Variants in DST observed in about 807,000 individuals in gnomAD.
The protein encoded by DST is bullous pemphigoid antigen.
DST carries 253 observed loss-of-function variants against 875.2 expected under a neutral mutation model. The ratio of observed to expected loss-of-function variants is 0.29; its 90% confidence interval spans 0.26 to 0.32. The LOEUF (loss-of-function observed/expected upper bound fraction) is 0.32, where lower values mean the gene tolerates loss of function less well. Among genes scored for constraint, DST ranks in the 10% least tolerant of loss-of-function variants. DST has a pLI of 1.00. For synonymous variants in DST, 3,124 were observed against 3,197.1 expected, an observed-to-expected ratio of 0.98 and a Z score of 0.77; for missense variants, 8,287 against 9,111.6, an observed-to-expected ratio of 0.91 and a Z score of 3.68.
intron 61 of DST, among the ~76,000 whole-genome samples, chr6:56,542,027 T>C (rs914509378): frequency 1.3e-5 from 2 of 152,242 alleles, no homozygotes; most frequent in Non-Finnish European, 2.9e-5. Context: ...TGAATGTTAA[T>C]TTCGGCAGAG....
At chr6:56,925,664 T>A (rs1806673938) in intron 2 of DST, among the ~76,000 whole-genome samples, 1 of 152,222 alleles carries the variant, frequency 6.6e-6, no homozygotes, top group Non-Finnish European at 1.5e-5. Flanking sequence ...CAGCTCAAGA[T>A]GGGAAAACAT....
intron 5 of DST, among the ~76,000 whole-genome samples, chr6:56,725,405 C>T (rs1450490425): frequency 1.3e-5 from 2 of 152,160 alleles, no homozygotes; most frequent in African/African-American, 4.8e-5. Flanking sequence ...CTATCATTCA[C>T]AGACTACAGT....
At chr6:56,709,695 G>A (rs1381982021) in intron 5 of DST, among the ~76,000 whole-genome samples, 1 of 152,144 alleles carries the variant, frequency 6.6e-6, no homozygotes, top group Non-Finnish European at 1.5e-5. Flanking sequence ...TGGGTACAAA[G>A]ATGAATAATA....
chr6:56,613,984 C>G (rs187342156), intron 37 of DST, among the ~76,000 whole-genome samples: 1 of 152,088 alleles, frequency 6.6e-6, no homozygotes, highest in Non-Finnish European at 1.5e-5. Flanking sequence ...AAGAATAAGA[C>G]GGCATATCTT....
chr6:56,943,962 T>C (rs2127795218), intron 2 of DST, among the ~76,000 whole-genome samples: 1 of 151,708 alleles, frequency 6.6e-6, no homozygotes. Context: ...ACTAAAAATA[T>C]AAAAATTAGC....
At chr6:56,932,432 A>C (rs1368951457) in intron 2 of DST, among the ~76,000 whole-genome samples, 2 of 152,256 alleles carry the variant, frequency 1.3e-5, no homozygotes, top group East Asian at 3.9e-4. Flanking sequence ...AGGGGCATTT[A>C]AGGGAAGAGC....
chr6:56,475,070 G>A (rs1397177409), intron 92 of DST, among the ~76,000 whole-genome samples: 1 of 151,548 alleles, frequency 6.6e-6, no homozygotes, highest in Non-Finnish European at 1.5e-5. Context: ...CTATTCCAAG[G>A]GTGGTAAAAA....
intron 4 of DST, among the ~76,000 whole-genome samples, chr6:56,753,312 G>A (rs1450608501): frequency 1.3e-5 from 2 of 152,150 alleles, no homozygotes; most frequent in African/African-American, 4.8e-5. Flanking sequence ...AGAAAACAGT[G>A]AACAGAACAT....
intron 75 of DST, among the ~76,000 whole-genome samples, chr6:56,508,045 T>C (rs2096380241): frequency 6.6e-6 from 1 of 152,202 alleles, no homozygotes; most frequent in Admixed American, 6.5e-5. Flanking sequence ...TGTTTTTGTT[T>C]GTCTTCTGAG....
At chr6:56,476,475 C>A in intron 91 of DST, 138 bp from the exon 92 acceptor site, 1 of 683,020 alleles carries the variant, frequency 1.5e-6, no homozygotes, top group Non-Finnish European at 2.3e-6. Context: ...TTTTTAGATT[C>A]CATTAGTGGC....
chr6:56,493,988 T>C (rs751765766), intron 83 of DST, 22 bp downstream of exon 83: 4 of 1,519,340 alleles, frequency 2.6e-6, no homozygotes, highest in Non-Finnish European at 3.5e-6. Flanking sequence ...ACTGATTCTA[T>C]TATATTAATC....
At chr6:56,912,893 T>A (rs1296401429) in intron 2 of DST, among the ~76,000 whole-genome samples, 1 of 152,172 alleles carries the variant, frequency 6.6e-6, no homozygotes, top group East Asian at 1.9e-4. Flanking sequence ...GCTAAAAAAT[T>A]AGTTATGTGC....
At chr6:56,842,862 C>CT (rs1488792384) in intron 4 of DST, among the ~76,000 whole-genome samples, 1 of 152,188 alleles carries the variant, frequency 6.6e-6, no homozygotes, top group Non-Finnish European at 1.5e-5. Flanking sequence ...CGTCTCCGGA[C>CT]TGTCGCCCAC....
chr6:56,490,061 A>G (rs2152436035), intron 85 of DST, among the ~76,000 whole-genome samples: 1 of 152,286 alleles, frequency 6.6e-6, no homozygotes, highest in Non-Finnish European at 1.5e-5. Context: ...GGGGAGGGGT[A>G]AGTATAAAGC....
chr6:56,638,190 T>C (rs555582187), intron 22 of DST, among the ~76,000 whole-genome samples: 1 of 152,208 alleles, frequency 6.6e-6, no homozygotes, highest in Non-Finnish European at 1.5e-5. Flanking sequence ...TGGCCCATAA[T>C]AGTATTTCCT....
At chr6:56,818,509 C>G (rs932180846) in intron 4 of DST, among the ~76,000 whole-genome samples, 2 of 152,096 alleles carry the variant, frequency 1.3e-5, no homozygotes, top group East Asian at 3.9e-4. Flanking sequence ...AGTAAACACC[C>G]CTTTTACTCC....
At position 56,934,197 on chromosome 6, in the gene DST, T is replaced by G. The variant is rs17758539; in HGVS notation, c.216+19588A>C. Among the ~76,000 whole-genome samples the G allele has an allele frequency of 2.1e-4, 32 of 151,958 alleles. 1 individual carries two copies. The East Asian group carries it at 5.0e-3, about 24-fold the overall frequency. On this transcript the variant is annotated intron_variant, in intron 2 of 103. Coordinates refer to ENST00000680361, the MANE Select transcript of DST (RefSeq NM_001374736.1). The stretch of plus-strand genomic sequence containing the variant: ...ATTGCCTTCACCAGGTGACTGCAAT[T>G]TATCCTCAAACAGGGACACTTTTTA...
At chr6:56,909,271 C>T (rs1374827128) in intron 2 of DST, among the ~76,000 whole-genome samples, 2 of 152,150 alleles carry the variant, frequency 1.3e-5, no homozygotes, top group Non-Finnish European at 2.9e-5. Flanking sequence ...TTGTTGGTCA[C>T]AAGCTAGGCT....
intron 4 of DST, among the ~76,000 whole-genome samples, chr6:56,759,409 C>G (rs6899423): frequency 6.1e-4 from 93 of 152,238 alleles, no homozygotes; most frequent in African/African-American, 2.0e-3. Context: ...CATGATTGCA[C>G]CACTGCACTC....
Sources: gnomAD v4.1 joint callset for allele counts (sites outside exome capture counted in the v4.1 genomes callset) on GRCh38, gnomAD v4.1.1 for gene constraint, MANE v1.5 for transcripts, NCBI Gene and HGNC (gene_info 2026-07-23, HGNC 2026-07-21) for gene names.